Variants in PLEKHH2 observed in about 807,000 individuals in gnomAD.
The protein encoded by PLEKHH2 is pleckstrin homology, MyTH4 and FERM domain containing H2, also known as pleckstrin homology domain-containing family H member 2.
Under a neutral mutation model 187.9 loss-of-function variants are expected in PLEKHH2, and 129 were observed. The observed-to-expected ratio is 0.69, with a 90% confidence interval of 0.59 to 0.79. The LOEUF is 0.79. Ranked by LOEUF, PLEKHH2 falls within the 30% of genes least tolerant of loss-of-function variation. The probability of loss-of-function intolerance (pLI) is 0.00; values close to 1 mark genes in which losing one functional copy is unlikely to be tolerated. For missense variants in PLEKHH2, 2,076 were observed against 1,751.2 expected, an observed-to-expected ratio of 1.19 and a Z score of -3.31; for synonymous variants, 686 against 605.6, an observed-to-expected ratio of 1.13 and a Z score of -1.95.
intron 2 of PLEKHH2, among the ~76,000 whole-genome samples, chr2:43,650,550 TTGAG>T (rs973488940): frequency 1.3e-5 from 2 of 152,234 alleles, no homozygotes; most frequent in Non-Finnish European, 2.9e-5. Flanking sequence ...CATTGCTTTT[TTGAG>T]TATTTTGCAA....
At position 43,700,107 on chromosome 2, in the gene PLEKHH2, G is replaced by A. The variant is rs769263653; in HGVS notation, c.1149G>A (p.Ser383=). 24 of 1,613,958 alleles carry A rather than the reference G, an allele frequency of 1.5e-5. No homozygotes were observed. Among genetic ancestry groups the A allele is most frequent in the East Asian group, 2.2e-5 (1 of 44,892 alleles). Residue 383 remains serine, a synonymous_variant, in exon 8 of 30, where the codon TCG becomes TCA. Transcript: ENST00000282406. The part of the protein sequence containing the change: ...ELSKKEQDSS[S]DELNKKFQSQ... ...GTAAAAAGGAACAAGATAGTTCCTC[G>A]GATGAACTGAATAAAAAATTTCAAT...
intron 7 of PLEKHH2, among the ~76,000 whole-genome samples, chr2:43,697,685 G>A (rs1649800942): frequency 6.6e-6 from 1 of 152,112 alleles, no homozygotes; most frequent in Non-Finnish European, 1.5e-5. Context: ...GATTAGAACT[G>A]TGAATTTCCT....
At chr2:43,657,194 C>T (rs1277404835) in intron 2 of PLEKHH2, among the ~76,000 whole-genome samples, 3 of 152,122 alleles carry the variant, frequency 2.0e-5, no homozygotes, top group Admixed American at 1.3e-4. Flanking sequence ...GGACTCACTG[C>T]GGGTGCTCGG....
rs759434875 is a variant in PLEKHH2 at position 43,700,349 on chromosome 2, G to A, written c.1391G>A (p.Ser464Asn). 1 of 1,614,108 alleles carries A rather than the reference G, an allele frequency of 6.2e-7. No homozygotes were observed. ...AKRHLSQPQL[S>N]SDRMFGTNRN... ...AGGCACTTAAGCCAGCCACAGTTAA[G>A]CTCTGACAGGATGTTTGGTACAAAT... Residue 464 changes from serine (S) to asparagine (N), a missense_variant, in exon 8 of 30, where the codon AGC becomes AAC. By Grantham distance (46) the Ser-to-Asn change is conservative. Transcript: ENST00000282406.
intron 2 of PLEKHH2, among the ~76,000 whole-genome samples, chr2:43,652,560 T>C (rs1249205125): frequency 6.6e-6 from 1 of 152,162 alleles, no homozygotes; most frequent in Non-Finnish European, 1.5e-5. Context: ...TAGAAGTCTC[T>C]AGGGACTCCA....
At chr2:43,658,596 G>A (rs6544685) in intron 2 of PLEKHH2, 60,331 of 152,060 alleles carry the variant, frequency 0.4, 12,366 homozygotes, top group Non-Finnish European at 0.44. Flanking sequence ...TCACCAAAAT[G>A]GTTGTTGGCA....
At chr2:43,708,172 A>G (rs748643912) in intron 11 of PLEKHH2, among the ~76,000 whole-genome samples, 5 of 152,184 alleles carry the variant, frequency 3.3e-5, no homozygotes, top group Non-Finnish European at 7.3e-5. Context: ...CCTTGGTTTC[A>G]TATTTTGAGC....
chr2:43,764,244 A>T lies in PLEKHH2; in HGVS notation c.4175A>T (p.Tyr1392Phe). ...TCTTTAAAGAGGTTAATAGTCAGCT[A>T]TGTGTACAAGAGTCTAATGACCTTT... ...EYNSMRLIVS[Y>F]VYKSLMTFGG... is the part of the protein sequence containing the mutation. Residue 1392 changes from tyrosine to phenylalanine, a missense_variant, in exon 29 of 30, where the codon TAT becomes TTT. By Grantham distance (22) the Tyr-to-Phe change is conservative (BLOSUM62 3). Coordinates refer to ENST00000282406, the MANE Select transcript of PLEKHH2 (RefSeq NM_172069.4). 1 of 1,518,308 alleles carries T rather than the reference A, an allele frequency of 6.6e-7. No individual in the cohort carries two copies. The allele number at this position is 1,518,308 out of a possible 1,614,324, so 94.1% of individuals were successfully genotyped here. A position where few individuals can be genotyped will look rare whatever the true frequency, so the allele number is the denominator to read the frequency against.
At chr2:43,724,272 G>C (rs778854203) in intron 16 of PLEKHH2, among the ~76,000 whole-genome samples, 3 of 152,180 alleles carry the variant, frequency 2.0e-5, no homozygotes, top group Non-Finnish European at 4.4e-5. Context: ...AGGTCACCCA[G>C]AGAGTGAGCA....
rs1668856905 is a variant in PLEKHH2, at chr2:43,692,591, T to A, written c.264T>A (p.Cys88Ter). Residue 88 changes from cysteine to a stop codon, truncating the protein, a stop_gained, in exon 4 of 30, where the codon TGT becomes TGA. Coordinates refer to ENST00000282406, the MANE Select transcript of PLEKHH2 (RefSeq NM_172069.4). LOFTEE classifies it high-confidence loss of function. ...SESETRLYNKCQDLESLIQEK... is the reference protein window; with the variant it reads ...SESETRLYNK ...CAGAGACAAGATTATATAATAAGTG[T>A]CAAGATCTGGAGTCGCTAATACAGG... is the stretch of plus-strand genomic sequence containing the variant. 2 of 1,610,020 alleles carry A rather than the reference T, an allele frequency of 1.2e-6. No homozygotes were observed. Among genetic ancestry groups the A allele is most frequent in the African/African-American group, 2.7e-5 (2 of 74,776 alleles).
Position 43,681,216 on chromosome 2 carries a change from CA to C in PLEKHH2, c.186+2292del. ...CAAAGAATACAGAAAGCTGTTTCTC[CA>C]TGTATTATTAAAGCGATCTTTTTTC... On this transcript the variant is annotated intron_variant, in intron 3 of 29. Coordinates refer to ENST00000282406, the MANE Select transcript of PLEKHH2 (RefSeq NM_172069.4). 4.5e-6 allele frequency: 3 copies of C among 661,522 alleles called. No individual in the cohort carries two copies. The South Asian group carries it at 5.6e-5, about 12-fold the overall frequency. The allele number at this position is 661,522 out of a possible 1,614,324, so 41.0% of individuals were successfully genotyped here.
chr2:43,737,558 G>C (rs1165537920), intron 19 of PLEKHH2, among the ~76,000 whole-genome samples: 2 of 152,114 alleles, frequency 1.3e-5, no homozygotes. Flanking sequence ...CTGTCAGCGG[G>C]GGTAGCAGGC....
chr2:43,659,959 A>T (rs62138787), intron 2 of PLEKHH2, among the ~76,000 whole-genome samples: 2 of 152,040 alleles, frequency 1.3e-5, no homozygotes, highest in African/African-American at 4.8e-5. Context: ...TGGCAAATAT[A>T]TATGATTCCG....
chr2:43,701,892 C>A (rs1413653343), intron 8 of PLEKHH2, among the ~76,000 whole-genome samples: 1 of 151,940 alleles, frequency 6.6e-6, no homozygotes. Flanking sequence ...CTTAGCCTCC[C>A]AAGTAGCTGG....
At chr2:43,745,771 T>A in intron 23 of PLEKHH2, 95 bp from the exon 24 acceptor site, 1 of 837,006 alleles carries the variant, frequency 1.2e-6, no homozygotes, top group Non-Finnish European at 1.9e-6. Flanking sequence ...GGTTTGATCA[T>A]ATTAATTGAA....
intron 24 of PLEKHH2, among the ~76,000 whole-genome samples, chr2:43,752,812 A>T (rs746755075): frequency 1.7e-4 from 26 of 152,176 alleles, no homozygotes; most frequent in Non-Finnish European, 3.1e-4. Flanking sequence ...AGAGTCACTG[A>T]TTTGATGAAG....
Position 43,694,492 on chromosome 2 carries a change from G to C in PLEKHH2, c.398G>C (p.Trp133Ser), listed in dbSNP as rs1453376979. 1 of 1,559,526 alleles carries C rather than the reference G, an allele frequency of 6.4e-7. No individual in the cohort carries two copies. Among genetic ancestry groups the C allele is most frequent in the Non-Finnish European group, 8.7e-7 (1 of 1,145,226 alleles). The change falls in exon 5 of 30, where the codon TGG becomes TCG. Residue 133 changes from tryptophan to serine, a missense_variant. Physicochemically the swap from Trp to Ser is radical, Grantham distance 177 (BLOSUM62 -3). Coordinates refer to ENST00000282406, the MANE Select transcript of PLEKHH2 (RefSeq NM_172069.4). Reference protein sequence around the residue: ...IEEKAAKIKEWVTVKLNELEL... With the variant: ...IEEKAAKIKESVTVKLNELEL... ...GAGAAAGCAGCTAAGATAAAAGAAT[G>C]GGTAACAGTTAAGTTAAATGAGGTA...
At chr2:43,660,239 T>G (rs1666998658) in intron 2 of PLEKHH2, among the ~76,000 whole-genome samples, 1 of 152,196 alleles carries the variant, frequency 6.6e-6, no homozygotes, top group South Asian at 2.1e-4. Context: ...TAGAGTAGTA[T>G]TCCATTGTAC....
At chr2:43,675,800 C>T (rs1667729265) in intron 2 of PLEKHH2, 1 of 1,613,676 alleles carries the variant, frequency 6.2e-7, no homozygotes, top group South Asian at 1.1e-5. Flanking sequence ...TATTCGAGGT[C>T]TCCAAATATA....
Sources: gnomAD v4.1 joint callset for allele counts (sites outside exome capture counted in the v4.1 genomes callset) on GRCh38, gnomAD v4.1.1 for gene constraint, MANE v1.5 for transcripts, NCBI Gene and HGNC (gene_info 2026-07-23, HGNC 2026-07-21) for gene names.